The following TUBGCP2 variants were observed in gnomAD, a reference collection of about 807,000 sequenced individuals.
The protein encoded by TUBGCP2 is tubulin gamma complex component 2.
A neutral mutation model predicts 92.2 loss-of-function variants in TUBGCP2; 55 were observed. That is an observed-to-expected ratio of 0.60 (90% CI 0.48 to 0.75). TUBGCP2 has a LOEUF of 0.75. Ranked by LOEUF, TUBGCP2 falls within the 30% of genes least tolerant of loss-of-function variation. The pLI is 0.00. For missense variants in TUBGCP2, 1,093 were observed against 1,188.9 expected (o/e 0.92, Z 1.19); for synonymous variants, 533 against 505.2 (o/e 1.06, Z -0.74).
chr10:133,311,076 G>A (rs1194263444), upstream of TUBGCP2, among the ~76,000 whole-genome samples: 2 of 152,198 alleles, frequency 1.3e-5, no homozygotes, highest in Non-Finnish European at 2.9e-5. Context: ...TGCTGAGATT[G>A]TAGGTATGAG....
chr10:133,290,925 T>C lies in TUBGCP2; in HGVS notation c.1215-956A>G, dbSNP rs529343802. ...TCACTAATGTATTTTTTGAAAATATTTCAACAACGGTATCTTGACGTAATA... is the reference window on the plus strand; with the variant it reads ...TCACTAATGTATTTTTTGAAAATATCTCAACAACGGTATCTTGACGTAATA... On this transcript the variant is annotated intron_variant, in intron 8 of 17. Coordinates refer to ENST00000252936, the MANE Select transcript of TUBGCP2 (RefSeq NM_006659.4). 4 of 154,236 alleles carry C rather than the reference T, an allele frequency of 2.6e-5. No homozygotes were observed. The South Asian group carries it at 8.2e-4, about 32-fold the overall frequency. 9.6% of individuals were successfully genotyped at this position (154,236 alleles called of 1,614,324 possible).
At position 133,308,825 on chromosome 10, in the gene TUBGCP2, C is replaced by T. The variant is rs935652407; in HGVS notation, c.-42G>A. 1.2e-6 allele frequency: 1 copy of T among 867,598 alleles called. No homozygotes were observed. Among genetic ancestry groups the T allele is most frequent in the African/African-American group, 1.8e-5 (1 of 56,474 alleles). 53.7% of individuals were successfully genotyped at this position (867,598 alleles called of 1,614,324 possible). On this transcript the variant is annotated splice_region_variant and 5_prime_UTR_variant, in exon 1 of 18. Transcript: ENST00000252936. Reference sequence around the variant, plus strand: ...GCCCGCGTTCGGCCAGGACTCACCGCAGTCCCGGAGCCACAGCCCCCGCGC... The same window carrying T: ...GCCCGCGTTCGGCCAGGACTCACCGTAGTCCCGGAGCCACAGCCCCCGCGC...
intron 16 of TUBGCP2, 129 bp from the exon 17 acceptor site, chr10:133,281,565 G>A: frequency 8.3e-7 from 1 of 1,209,134 alleles, no homozygotes; most frequent in South Asian, 1.6e-5. Flanking sequence ...TGGGTTCCAT[G>A]ATGTTTTCAG....
chr10:133,301,773 C>A (rs1273662336), intron 2 of TUBGCP2: 1 of 121,744 alleles, frequency 8.2e-6, no homozygotes, highest in East Asian at 2.7e-4. Context: ...AATGCAGTGG[C>A]ACGATATCTC....
intron 5 of TUBGCP2, among the ~76,000 whole-genome samples, chr10:133,294,405 G>A (rs1847443083): frequency 6.6e-6 from 1 of 152,212 alleles, no homozygotes; most frequent in Non-Finnish European, 1.5e-5. Flanking sequence ...AGGGCCCCGT[G>A]CCAGCCAGAC....
intron 1 of TUBGCP2, among the ~76,000 whole-genome samples, chr10:133,303,607 G>T (rs1157354715): frequency 6.6e-6 from 1 of 152,202 alleles, no homozygotes; most frequent in Non-Finnish European, 1.5e-5. Context: ...GGCACACACA[G>T]TAACATCCCA....
chr10:133,310,562 C>T (rs764789186), upstream of TUBGCP2: 238 of 474,834 alleles, frequency 5.0e-4, no homozygotes, highest in Middle Eastern at 1.2e-3. Flanking sequence ...GGCGCAGCGC[C>T]TCCGCACTCA....
rs775792090 is a variant in TUBGCP2 at position 133,285,067 on chromosome 10, G to A, written c.2024+18C>T. 5.7e-6 allele frequency: 9 copies of A among 1,588,944 alleles called. No individual in the cohort carries two copies. Among genetic ancestry groups the A allele is most frequent in the Non-Finnish European group, 7.7e-6 (9 of 1,163,784 alleles). On this transcript the variant is annotated intron_variant, in intron 13 of 17. Coordinates refer to ENST00000252936, the MANE Select transcript of TUBGCP2 (RefSeq NM_006659.4). The surrounding 1 kb of genome is among the most constrained non-coding windows in gnomAD (Gnocchi z 6.8). ...GCGCTGCTTCAGGAGGGCATGCGGG[G>A]GCAGAGGAAGAACGCACCACTGGGC...
chr10:133,295,456 AAG>A (rs1291643611), intron 5 of TUBGCP2: 2 of 152,278 alleles, frequency 1.3e-5, no homozygotes, highest in Non-Finnish European at 2.9e-5. Flanking sequence ...CAAGCAAAAA[AAG>A]AGTCAGTTGC....
rs960460644 is a variant in TUBGCP2 at position 133,283,148 on chromosome 10, G to A, written c.2219C>T (p.Thr740Ile). The change falls in exon 15 of 18, where the codon ACC becomes ATC. Residue 740 changes from threonine (T) to isoleucine (I), a missense_variant. Transcript: ENST00000252936. ...GAAGACCTTCAGCAGCTCGGGGTTG[G>A]TGAGCATGCAGTCCTTCAGGCAGGT... is the stretch of plus-strand genomic sequence containing the variant. ...LDTCLKDCML[T>I]NPELLKVFSK... is the part of the protein sequence containing the mutation. 6.2e-7 allele frequency: 1 copy of A among 1,614,270 alleles called. No homozygotes were observed. The highest frequency in any genetic ancestry group is 8.5e-7 in the Non-Finnish European group (1 of 1,180,048).
chr10:133,281,217 G>A (rs1290493060), intron 17 of TUBGCP2, 56 bp downstream of exon 17: 2 of 1,586,476 alleles, frequency 1.3e-6, no homozygotes, highest in Non-Finnish European at 1.7e-6. Flanking sequence ...GTGCTGGGCA[G>A]GGGCAGGCGC....
chr10:133,307,387 AAC>A (rs1162670811), intron 1 of TUBGCP2, among the ~76,000 whole-genome samples: 4 of 152,380 alleles, frequency 2.6e-5, no homozygotes, highest in African/African-American at 7.2e-5. Flanking sequence ...AAGTGATTAA[AAC>A]ACAGAGGGAC....
intron 1 of TUBGCP2, among the ~76,000 whole-genome samples, chr10:133,305,830 C>A (rs754525009): frequency 6.6e-6 from 1 of 152,328 alleles, no homozygotes; most frequent in East Asian, 1.9e-4. Context: ...GAGGTGCTCA[C>A]GGTAACTACA....
chr10:133,299,519 C>T lies in TUBGCP2; in HGVS notation c.364G>A (p.Val122Ile), dbSNP rs774622378. Reference sequence around the variant, plus strand: ...GAGATCTTGGAGGCCGCGGCAGGGACGTTGATGCTGGTGGTACTGCTGCCC... The same window carrying T: ...GAGATCTTGGAGGCCGCGGCAGGGATGTTGATGCTGGTGGTACTGCTGCCC... ...AVGSSTTSIN[V>I]PAAASKISMQ... The change falls in exon 4 of 18, where the codon GTC becomes ATC. Residue 122 changes from valine to isoleucine, a missense_variant. Physicochemically the swap from Val to Ile is conservative, Grantham distance 29. Around this residue, in one of 3 missense-constraint regions of TUBGCP2, gnomAD observed 490 missense variants for 488.5 expected, o/e 1.00. Transcript: ENST00000252936. 4 of 1,613,658 alleles carry T rather than the reference C, an allele frequency of 2.5e-6. No homozygotes were observed. Among genetic ancestry groups the T allele is most frequent in the African/African-American group, 1.3e-5 (1 of 74,910 alleles).
At chr10:133,294,838 T>C (rs956353192) in intron 5 of TUBGCP2, among the ~76,000 whole-genome samples, 2 of 152,120 alleles carry the variant, frequency 1.3e-5, no homozygotes, top group Non-Finnish European at 2.9e-5. Context: ...CTGGCAGATC[T>C]ACACTTTTCA....
At chr10:133,280,114 C>A (rs1340073237) in intron 17 of TUBGCP2, among the ~76,000 whole-genome samples, 6 of 152,228 alleles carry the variant, frequency 3.9e-5, no homozygotes. Flanking sequence ...GGGAAGTGTT[C>A]AGCTACAGAG....
chr10:133,281,849 C>T (rs1463627564), intron 16 of TUBGCP2, among the ~76,000 whole-genome samples: 7 of 152,264 alleles, frequency 4.6e-5, no homozygotes, highest in African/African-American at 9.6e-5. Flanking sequence ...GAGCCGGCGC[C>T]GCAGGGCCAT....
chr10:133,303,254 C>T (rs1238632020), intron 1 of TUBGCP2, among the ~76,000 whole-genome samples: 2 of 152,058 alleles, frequency 1.3e-5, no homozygotes, highest in Non-Finnish European at 2.9e-5. Context: ...CTCCAGCAGC[C>T]TCTCAGAGGG....
upstream of TUBGCP2, chr10:133,308,954 C>A (rs1038456044): frequency 8.1e-7 from 1 of 1,236,870 alleles, no homozygotes; most frequent in Non-Finnish European, 1.0e-6. Flanking sequence ...ATGCAGTTGC[C>A]CCCCGCGCTG....
Sources: gnomAD v4.1 joint callset for allele counts (sites outside exome capture counted in the v4.1 genomes callset) on GRCh38, gnomAD v4.1.1 for gene constraint, gnomAD v4.1.1 regional missense constraint, Gnocchi (gnomAD v3.1) non-coding constraint, MANE v1.5 for transcripts, NCBI Gene and HGNC (gene_info 2026-07-23, HGNC 2026-07-21) for gene names.